Variants in SCTR observed in about 807,000 individuals in gnomAD.
SCTR encodes pancreatic secretin receptor.
Under a neutral mutation model 60.8 loss-of-function variants are expected in SCTR, and 56 were observed. The ratio of observed to expected loss-of-function variants is 0.92; its 90% CI spans 0.74 to 1.15. The LOEUF (loss-of-function observed/expected upper bound fraction) is 1.15, where lower values mean the gene tolerates loss of function less well. Among genes scored for constraint, SCTR ranks in the 50% most tolerant of loss-of-function variants. The pLI is 0.00. For synonymous variants in SCTR, 202 were observed against 217.0 expected (o/e 0.93, Z 0.61); for missense variants, 562 against 550.4 (o/e 1.02, Z -0.21).
chr2:119,493,641 CT>C (rs35864019), intron 2 of SCTR, among the ~76,000 whole-genome samples: 7,533 of 133,286 alleles, frequency 0.057, 548 homozygotes, highest in African/African-American at 0.19. Flanking sequence ...CATTCTTCTT[CT>C]TTTTTTTTTT....
At chr2:119,443,394 G>A (rs111849924) in intron 11 of SCTR, among the ~76,000 whole-genome samples, 5,462 of 152,194 alleles carry the variant, frequency 0.036, 129 homozygotes, top group African/African-American at 0.072. Context: ...GAAAAGAGAC[G>A]GAAGTAAACA....
At chr2:119,505,158 G>A (rs932930970) in intron 1 of SCTR, among the ~76,000 whole-genome samples, 7 of 152,114 alleles carry the variant, frequency 4.6e-5, no homozygotes, top group African/African-American at 1.7e-4. Flanking sequence ...AATACCATTT[G>A]ACCCAGCCAT....
At chr2:119,469,214 C>T (rs555049127) in intron 4 of SCTR, among the ~76,000 whole-genome samples, 6 of 152,238 alleles carry the variant, frequency 3.9e-5, no homozygotes, top group African/African-American at 7.2e-5. Flanking sequence ...CATATAATCT[C>T]GCCATGTACA....
chr2:119,456,743 T>G (rs1173832314), intron 7 of SCTR, among the ~76,000 whole-genome samples: 1 of 152,042 alleles, frequency 6.6e-6, no homozygotes, highest in Non-Finnish European at 1.5e-5. Context: ...GCAGATGTAA[T>G]TGGTTAAGAT....
chr2:119,496,758 G>A (rs762185561), intron 1 of SCTR, among the ~76,000 whole-genome samples: 5 of 152,242 alleles, frequency 3.3e-5, no homozygotes, highest in Non-Finnish European at 7.4e-5. Context: ...GGCATCTAGC[G>A]AAACAGAAAA....
rs1558830701 is a variant in SCTR, at chr2:119,444,204, T to TATACAC, written c.1140+2554_1140+2555insGTGTAT. On this transcript the variant is annotated intron_variant, in intron 11 of 12. Transcript: ENST00000019103. ...ACATATGAATATATACACATATGTA[T>TATACAC]ATATACATATGAATATATACACATA... 5.7e-3 allele frequency among the ~76,000 whole-genome samples: 748 copies of TATACAC among 130,140 alleles called. 68 individuals carry two copies. Among genetic ancestry groups the TATACAC allele is most frequent in the African/African-American group, 0.028 (713 of 25,466 alleles). 85.4% of individuals were successfully genotyped at this position (130,140 alleles called of 152,430 possible).
intron 1 of SCTR, among the ~76,000 whole-genome samples, chr2:119,519,823 A>G (rs1460145927): frequency 2.4e-5 from 3 of 124,162 alleles, no homozygotes; most frequent in Non-Finnish European, 5.3e-5. Context: ...AAAAAAAAAA[A>G]AAAAGAAAAA....
chr2:119,494,284 T>TGCC (rs1458171472), intron 2 of SCTR, 144 bp downstream of exon 2: 5 of 869,678 alleles, frequency 5.7e-6, no homozygotes, highest in Non-Finnish European at 6.9e-6. Flanking sequence ...ACTCCAGCCC[T>TGCC]GCCCCACCAG....
intron 11 of SCTR, among the ~76,000 whole-genome samples, chr2:119,443,770 C>T (rs1682746888): frequency 6.6e-6 from 1 of 152,200 alleles, no homozygotes; most frequent in Non-Finnish European, 1.5e-5. Context: ...TGGTCTCGAA[C>T]TCCTGAGCTC....
At chr2:119,507,114 TA>T (rs1320790206) in intron 1 of SCTR, among the ~76,000 whole-genome samples, 1 of 152,190 alleles carries the variant, frequency 6.6e-6, no homozygotes, top group Non-Finnish European at 1.5e-5. Flanking sequence ...AAAGACAACT[TA>T]ATTATCTGAG....
rs376836340 is a variant in SCTR at position 119,494,489 on chromosome 2, C to T, written c.132G>A (p.Gln44=). The change falls in exon 2 of 13, where the codon CAG becomes CAA. Residue 44 remains glutamine, a synonymous_variant. Coordinates refer to ENST00000019103, the MANE Select transcript of SCTR (RefSeq NM_002980.3). ...VLQVLWEEQD[Q]CLQELSREQT... ...GCTCTCTGGAGAGTTCCTGCAGGCA[C>T]TGGTCTTGCTCTTCCCACAGCACTT... 3.5e-5 allele frequency: 56 copies of T among 1,614,026 alleles called. No individual in the cohort carries two copies. In the African/African-American group the frequency reaches 6.4e-4, roughly 18 times the overall value.
At chr2:119,486,297 C>G (rs1168629356) in intron 2 of SCTR, 1 of 151,770 alleles carries the variant, frequency 6.6e-6, no homozygotes, top group Non-Finnish European at 1.5e-5. Context: ...GATGAAGAAC[C>G]CTTCCAGCCC....
intron 1 of SCTR, among the ~76,000 whole-genome samples, chr2:119,515,947 A>C (rs75489729): frequency 0.013 from 1,932 of 152,342 alleles, 16 homozygotes; most frequent in Non-Finnish European, 0.02. Flanking sequence ...TAGTGCATAC[A>C]AATGGCCAAC....
chr2:119,448,649 T>C (rs1400686366), intron 10 of SCTR, 40 bp downstream of exon 10: 3 of 1,133,446 alleles, frequency 2.6e-6, no homozygotes, highest in Non-Finnish European at 1.3e-6. Context: ...CAGTAAATGC[T>C]TGCTGACTGA....
At chr2:119,523,016 C>T (rs1415213870) in intron 1 of SCTR, among the ~76,000 whole-genome samples, 1 of 152,168 alleles carries the variant, frequency 6.6e-6, no homozygotes, top group Non-Finnish European at 1.5e-5. Flanking sequence ...TGAGCATCTC[C>T]TGAGTGTCAA....
At position 119,524,216 on chromosome 2, in the gene SCTR, T is replaced by C; in HGVS notation, c.11A>G (p.His4Arg). Reference sequence around the variant, plus strand: ...TAGCTGCTGCAGCGGCGGCGACAGGTGGGGACGCATGGTGCCCGCACGTTC... The same window carrying C: ...TAGCTGCTGCAGCGGCGGCGACAGGCGGGGACGCATGGTGCCCGCACGTTC... The part of the protein sequence containing the change: MRP[H>R]LSPPLQQLLL... Residue 4 changes from histidine (H) to arginine (R), a missense_variant, in exon 1 of 13, where the codon CAC (histidine) becomes CGC (arginine). His to Arg is a conservative substitution (Grantham distance 29). Coordinates refer to ENST00000019103, the MANE Select transcript of SCTR (RefSeq NM_002980.3). The C allele has an allele frequency of 6.6e-7, 1 of 1,505,578 alleles. No individual in the cohort carries two copies. Among genetic ancestry groups the C allele is most frequent in the Non-Finnish European group, 8.9e-7 (1 of 1,126,466 alleles). The allele number at this position is 1,505,578 out of a possible 1,614,324, so 93.3% of individuals were successfully genotyped here.
chr2:119,513,774 T>C (rs1471134050), intron 1 of SCTR, among the ~76,000 whole-genome samples: 1 of 152,200 alleles, frequency 6.6e-6, no homozygotes, highest in Admixed American at 6.5e-5. Context: ...TCTGTAACAT[T>C]GCCTACTGTC....
intron 4 of SCTR, among the ~76,000 whole-genome samples, chr2:119,472,596 C>T (rs1313705148): frequency 6.6e-6 from 1 of 152,174 alleles, no homozygotes; most frequent in African/African-American, 2.4e-5. Flanking sequence ...CGGACTCCCT[C>T]CTTGCTTATC....
At chr2:119,464,371 C>T (rs1008742934) in intron 5 of SCTR, 116 bp from the exon 6 acceptor site, 23 of 958,668 alleles carry the variant, frequency 2.4e-5, no homozygotes, top group East Asian at 5.3e-5. Flanking sequence ...CAGCTCTTTC[C>T]GGGTAACACA....
Sources: gnomAD v4.1 joint callset for allele counts (sites outside exome capture counted in the v4.1 genomes callset) on GRCh38, gnomAD v4.1.1 for gene constraint, MANE v1.5 for transcripts, NCBI Gene and HGNC (gene_info 2026-07-23, HGNC 2026-07-21) for gene names.